Variants in ATAD1 observed in about 807,000 individuals in gnomAD.
ATAD1 encodes the protein ATPase family AAA domain containing 1, also known as outer mitochondrial transmembrane helix translocase.
ATAD1 carries 18 observed loss-of-function variants against 42.7 expected under a neutral mutation model. That is an observed-to-expected ratio of 0.42 (90% CI 0.29 to 0.63). The LOEUF (loss-of-function observed/expected upper bound fraction) is 0.63, where lower values mean the gene tolerates loss of function less well. Ranked by LOEUF, ATAD1 falls within the 20% of genes least tolerant of loss-of-function variation. ATAD1 has a pLI of 0.19. For missense variants in ATAD1, 294 were observed against 440.4 expected (o/e 0.67, Z 2.98); for synonymous variants, 132 against 143.1 (o/e 0.92, Z 0.55).
chr10:87,820,514 T>C (rs1857612491), upstream of ATAD1, among the ~76,000 whole-genome samples: 1 of 152,198 alleles, frequency 6.6e-6, no homozygotes, highest in South Asian at 2.1e-4. Flanking sequence ...ACTAGAGACA[T>C]CCTAAATGAA....
intron 2 of ATAD1, among the ~76,000 whole-genome samples, chr10:87,806,594 G>T (rs1304558403): frequency 4.6e-5 from 7 of 152,076 alleles, no homozygotes; most frequent in Non-Finnish European, 8.8e-5. Flanking sequence ...CACACTATAT[G>T]TACTCTTCTG....
chr10:87,768,890 C>T (rs1854896487), intron 7 of ATAD1, among the ~76,000 whole-genome samples: 1 of 152,070 alleles, frequency 6.6e-6, no homozygotes, highest in Non-Finnish European at 1.5e-5. Flanking sequence ...TGAGACTAGC[C>T]TGGGCAACAT....
chr10:87,825,477 T>A (rs1354653697), intron 1 of ATAD1, among the ~76,000 whole-genome samples: 1 of 151,748 alleles, frequency 6.6e-6, no homozygotes, highest in African/African-American at 2.4e-5. Context: ...ACCCGGCTAA[T>A]TTTTTGTATT....
At chr10:87,807,192 C>A (rs903760155) in intron 2 of ATAD1, among the ~76,000 whole-genome samples, 1 of 152,088 alleles carries the variant, frequency 6.6e-6, no homozygotes, top group African/African-American at 2.4e-5. Context: ...TTTTTCCTCT[C>A]CTATATGTGC....
intron 8 of ATAD1, among the ~76,000 whole-genome samples, chr10:87,761,725 C>G (rs112593210): frequency 1.3e-5 from 2 of 151,914 alleles, no homozygotes; most frequent in African/African-American, 4.8e-5. Flanking sequence ...ACTAAGAAAG[C>G]AGAATACTGA....
intron 2 of ATAD1, among the ~76,000 whole-genome samples, chr10:87,812,584 G>C (rs12779915): frequency 0.29 from 44,826 of 152,014 alleles, 6,811 homozygotes; most frequent in Non-Finnish European, 0.31. Flanking sequence ...TTTAACAGCT[G>C]GTCAGAGATG....
intron 4 of ATAD1, among the ~76,000 whole-genome samples, chr10:87,788,859 A>G (rs1855958437): frequency 6.6e-6 from 1 of 152,224 alleles, no homozygotes; most frequent in Admixed American, 6.5e-5. Context: ...TCTGGGCTCA[A>G]ATAATCATTC....
chr10:87,786,207 A>G (rs1033471838), intron 4 of ATAD1, among the ~76,000 whole-genome samples: 5 of 151,880 alleles, frequency 3.3e-5, no homozygotes, highest in East Asian at 1.9e-4. Context: ...TTTTATACAC[A>G]TGTTACTTAA....
chr10:87,810,836 T>A (rs1173379088), intron 2 of ATAD1, among the ~76,000 whole-genome samples: 1 of 152,220 alleles, frequency 6.6e-6, no homozygotes, highest in Non-Finnish European at 1.5e-5. Context: ...GGTTCTAGAT[T>A]TATAGGAGTA....
chr10:87,832,074 C>CTTTTTT (rs531545097), intron 1 of ATAD1: 26 of 108,774 alleles, frequency 2.4e-4, no homozygotes, highest in Middle Eastern at 5.3e-3. Flanking sequence ...ATTGTTATGG[C>CTTTTTT]TTTTTTTTTT....
intron 9 of ATAD1, among the ~76,000 whole-genome samples, chr10:87,755,706 C>T (rs533914336): frequency 6.6e-5 from 10 of 151,916 alleles, no homozygotes; most frequent in African/African-American, 1.9e-4. Context: ...GTCAGGAGTT[C>T]GAGACCAGCC....
At chr10:87,798,267 TTCC>T (rs1312308733) in intron 2 of ATAD1, among the ~76,000 whole-genome samples, 1 of 152,114 alleles carries the variant, frequency 6.6e-6, no homozygotes, top group African/African-American at 2.4e-5. Flanking sequence ...CACAGCTCAG[TTCC>T]TCCTTTTAAG....
At chr10:87,764,835 G>A (rs1025420913) in intron 8 of ATAD1, among the ~76,000 whole-genome samples, 2 of 152,060 alleles carry the variant, frequency 1.3e-5, no homozygotes, top group Non-Finnish European at 2.9e-5. Context: ...TGGGTGTGTG[G>A]GGGGGAAGCA....
chr10:87,771,719 A>C (rs1261437877), intron 6 of ATAD1, among the ~76,000 whole-genome samples: 2 of 151,964 alleles, frequency 1.3e-5, no homozygotes, highest in Non-Finnish European at 2.9e-5. Context: ...CCAACCTCTG[A>C]GTCTATGTCA....
At chr10:87,763,772 C>T (rs1404320921) in intron 8 of ATAD1, among the ~76,000 whole-genome samples, 1 of 151,832 alleles carries the variant, frequency 6.6e-6, no homozygotes, top group African/African-American at 2.4e-5. Flanking sequence ...TATCTGATCT[C>T]TTTAAAAAAT....
At chr10:87,806,267 TC>T (rs1372950097) in intron 2 of ATAD1, among the ~76,000 whole-genome samples, 3 of 151,644 alleles carry the variant, frequency 2.0e-5, no homozygotes, top group Non-Finnish European at 4.4e-5. Flanking sequence ...TTATTCTCAC[TC>T]CTCTGGTCAT....
intron 4 of ATAD1, among the ~76,000 whole-genome samples, chr10:87,789,200 T>C (rs17094436): frequency 0.028 from 4,230 of 152,286 alleles, 193 homozygotes; most frequent in African/African-American, 0.097. Flanking sequence ...TTTTTAAAGA[T>C]CCACTTTTTT....
At chr10:87,808,496 G>A (rs1191911863) in intron 2 of ATAD1, among the ~76,000 whole-genome samples, 1 of 152,174 alleles carries the variant, frequency 6.6e-6, no homozygotes, top group Non-Finnish European at 1.5e-5. Flanking sequence ...GTTGCAGTGA[G>A]CCAAAATCAT....
In ATAD1 at chr10:87,818,169, AG is replaced by A. The variant is rs1857519790; in HGVS notation, c.-17del. ...CCCCACGGGAACCAGCTACTCACCC[AG>A]GGGCAGAAACAGCAAGAGCAAGTGC... On this transcript the variant is annotated 5_prime_UTR_variant, in exon 1 of 10. Coordinates refer to ENST00000680024, the MANE Select transcript of ATAD1 (RefSeq NM_001321967.2). 5 of 985,560 alleles carry A rather than the reference AG, an allele frequency of 5.1e-6. No homozygotes were observed. The South Asian group carries it at 2.3e-4, about 46-fold the overall frequency. 61.1% of individuals were successfully genotyped at this position (985,560 alleles called of 1,614,324 possible). A position where few individuals can be genotyped will look rare whatever the true frequency, so the allele number is the denominator to read the frequency against.
Sources: gnomAD v4.1 joint callset for allele counts (sites outside exome capture counted in the v4.1 genomes callset) on GRCh38, gnomAD v4.1.1 for gene constraint, MANE v1.5 for transcripts, NCBI Gene and HGNC (gene_info 2026-07-23, HGNC 2026-07-21) for gene names.